OCA2: variants seen among roughly 807,000 people sequenced by gnomAD.
OCA2 encodes the protein P protein.
OCA2 carries 77 observed loss-of-function variants against 100.2 expected under a neutral mutation model. The observed-to-expected ratio is 0.77, with a 90% CI of 0.64 to 0.93. The LOEUF is 0.93. Ranked by LOEUF, OCA2 falls within the 40% of genes least tolerant of loss-of-function variation. The pLI, the probability that OCA2 is intolerant of heterozygous loss-of-function variation, is 0.00. For synonymous variants in OCA2, 432 were observed against 439.2 expected, an observed-to-expected ratio of 0.98 and a Z score of 0.21; for missense variants, 1,062 against 1,089.1, an observed-to-expected ratio of 0.98 and a Z score of 0.35.
intron 19 of OCA2, among the ~76,000 whole-genome samples, chr15:27,877,593 CT>C (rs2036844254): frequency 2.0e-5 from 3 of 151,876 alleles, no homozygotes; most frequent in Admixed American, 6.6e-5. Context: ...ATTATGTGCA[CT>C]GAAGTTTATT....
intron 23 of OCA2, among the ~76,000 whole-genome samples, chr15:27,827,790 A>G (rs901423671): frequency 1.3e-5 from 2 of 152,222 alleles, no homozygotes; most frequent in Non-Finnish European, 2.9e-5. Flanking sequence ...TGTTTTAATC[A>G]GGAAGAAAGT....
intron 18 of OCA2, among the ~76,000 whole-genome samples, chr15:27,930,112 T>C (rs1232738166): frequency 6.6e-6 from 1 of 152,124 alleles, no homozygotes; most frequent in Non-Finnish European, 1.5e-5. Context: ...CACCTACCAA[T>C]ATGAACCCAC....
intron 19 of OCA2, among the ~76,000 whole-genome samples, chr15:27,901,923 G>T (rs554963186): frequency 6.6e-6 from 1 of 152,320 alleles, no homozygotes; most frequent in Non-Finnish European, 1.5e-5. Context: ...AAGGAGCCAG[G>T]GGTTTCTGAG....
At chr15:27,785,783 T>TTGTACACCC (rs1257473700) in intron 23 of OCA2, among the ~76,000 whole-genome samples, 5 of 152,162 alleles carry the variant, frequency 3.3e-5, no homozygotes, top group African/African-American at 7.2e-5. Flanking sequence ...GAACAGATCA[T>TTGTACACCC]TGTACACCCA....
intron 3 of OCA2, among the ~76,000 whole-genome samples, chr15:28,028,689 T>TG (rs2042828057): frequency 6.6e-6 from 1 of 152,060 alleles, no homozygotes; most frequent in South Asian, 2.1e-4. Flanking sequence ...TTGTTGTTGT[T>TG]TTGTTTTGTT....
chr15:28,071,437 C>CA (rs951666036), intron 2 of OCA2, among the ~76,000 whole-genome samples: 1 of 151,890 alleles, frequency 6.6e-6, no homozygotes, highest in African/African-American at 2.4e-5. Flanking sequence ...CATATGGAAC[C>CA]AAAAAAAGAG....
intron 19 of OCA2, among the ~76,000 whole-genome samples, chr15:27,889,386 T>C (rs1447819106): frequency 2.0e-5 from 3 of 152,144 alleles, no homozygotes. Context: ...GTACACATGC[T>C]CAGTTCCTGC....
At chr15:27,914,798 T>C (rs2140293712) in intron 19 of OCA2, among the ~76,000 whole-genome samples, 1 of 152,224 alleles carries the variant, frequency 6.6e-6, no homozygotes, top group East Asian at 1.9e-4. Flanking sequence ...CAAAGCAATC[T>C]ACAGATTCAA....
chr15:27,850,891 A>G (rs1395606926), intron 22 of OCA2, among the ~76,000 whole-genome samples: 1 of 152,122 alleles, frequency 6.6e-6, no homozygotes, highest in Non-Finnish European at 1.5e-5. Flanking sequence ...ACCAGAGGTC[A>G]GTCTCTCCCA....
intron 18 of OCA2, among the ~76,000 whole-genome samples, chr15:27,932,236 T>G (rs911347085): frequency 4.6e-5 from 7 of 152,180 alleles, no homozygotes; most frequent in African/African-American, 1.4e-4. Flanking sequence ...ATTGTGAATG[T>G]CTGTTCTAAC....
At chr15:27,839,042 C>G (rs1019492438) in intron 23 of OCA2, among the ~76,000 whole-genome samples, 1 of 151,998 alleles carries the variant, frequency 6.6e-6, no homozygotes, top group African/African-American at 2.4e-5. Flanking sequence ...AGCAGAAATA[C>G]TTCAATTAGT....
chr15:28,020,770 C>G (rs2042568923), intron 6 of OCA2, among the ~76,000 whole-genome samples: 1 of 152,204 alleles, frequency 6.6e-6, no homozygotes, highest in African/African-American at 2.4e-5. Context: ...CCGCCCTGAC[C>G]CCAGTGGAAG....
At chr15:27,765,279 C>T (rs1409179392) in intron 23 of OCA2, among the ~76,000 whole-genome samples, 1 of 152,066 alleles carries the variant, frequency 6.6e-6, no homozygotes, top group Non-Finnish European at 1.5e-5. Flanking sequence ...AGAGTTTTGC[C>T]CAGGCCTTTC....
chr15:27,945,310 C>G (rs186915060), intron 18 of OCA2, among the ~76,000 whole-genome samples: 1 of 152,156 alleles, frequency 6.6e-6, no homozygotes, highest in Non-Finnish European at 1.5e-5. Flanking sequence ...CAAGCAGACT[C>G]CTCTTCGCCT....
chr15:27,976,230 C>T (rs1181563568), intron 14 of OCA2, among the ~76,000 whole-genome samples: 1 of 152,174 alleles, frequency 6.6e-6, no homozygotes, highest in Non-Finnish European at 1.5e-5. Context: ...TTCTTCCTTA[C>T]CAATATTGAT....
At chr15:27,952,167 G>A (rs994301170) in intron 17 of OCA2, among the ~76,000 whole-genome samples, 8 of 152,310 alleles carry the variant, frequency 5.3e-5, no homozygotes, top group South Asian at 2.1e-4. Context: ...AGAGGATGAC[G>A]GGGCGTTTCT....
At chr15:27,796,043 AC>A (rs1007961892) in intron 23 of OCA2, among the ~76,000 whole-genome samples, 2 of 152,226 alleles carry the variant, frequency 1.3e-5, no homozygotes, top group African/African-American at 4.8e-5. Flanking sequence ...ATGCTTGTGC[AC>A]CACTACCAGC....
At chr15:27,745,680 C>A in the OCA2 span, among the ~76,000 whole-genome samples, 1 of 152,184 alleles carries the variant, frequency 6.6e-6, no homozygotes, top group Non-Finnish European at 1.5e-5. Context: ...CCCTTCCAGG[C>A]CTTTTCCTGA....
intron 18 of OCA2, among the ~76,000 whole-genome samples, chr15:27,941,093 G>C (rs1182792812): frequency 6.6e-6 from 1 of 152,062 alleles, no homozygotes; most frequent in African/African-American, 2.4e-5. Context: ...CTCCAGACTT[G>C]GTTTTCTATA....
Sources: allele counts gnomAD v4.1 joint callset (sites outside exome capture counted in the v4.1 genomes callset), GRCh38; gene constraint gnomAD v4.1.1; transcripts MANE v1.5; gene names NCBI Gene and HGNC (gene_info 2026-07-23, HGNC 2026-07-21).